SEMA3A: variants seen among roughly 807,000 people sequenced by gnomAD.
SEMA3A encodes the protein semaphorin-3A.
Under a neutral mutation model 97.9 loss-of-function variants are expected in SEMA3A, and 29 were observed. The ratio of observed to expected loss-of-function variants is 0.30; its 90% CI spans 0.22 to 0.40. The LOEUF (loss-of-function observed/expected upper bound fraction) is 0.40. Ranked by LOEUF, SEMA3A falls within the 10% of genes least tolerant of loss-of-function variation. The pLI is 1.00. For synonymous variants in SEMA3A, 321 were observed against 323.7 expected (o/e 0.99, Z 0.09); for missense variants, 763 against 951.3 (o/e 0.80, Z 2.60).
intron 5 of SEMA3A, among the ~76,000 whole-genome samples, chr7:84,056,486 A>G (rs1792980508): frequency 6.6e-6 from 1 of 152,162 alleles, no homozygotes; most frequent in Admixed American, 6.5e-5. Flanking sequence ...GATGTGAGCA[A>G]AATATCAAAC....
chr7:84,173,642 A>G (rs903108989), intron 1 of SEMA3A, among the ~76,000 whole-genome samples: 4 of 151,988 alleles, frequency 2.6e-5, no homozygotes, highest in African/African-American at 7.3e-5. Context: ...AACTGAATAC[A>G]TTTCTACATA....
At chr7:84,064,880 G>C (rs1315331989) in intron 4 of SEMA3A, among the ~76,000 whole-genome samples, 2 of 151,976 alleles carry the variant, frequency 1.3e-5, no homozygotes, top group Non-Finnish European at 2.9e-5. Context: ...AAGTCAACAA[G>C]GATACCCAGG....
At chr7:84,296,234 T>C (rs1479610475) in intron 3 of SEMA3A, among the ~76,000 whole-genome samples, 2 of 152,198 alleles carry the variant, frequency 1.3e-5, no homozygotes, top group Non-Finnish European at 2.9e-5. Flanking sequence ...TGAAGGTTTG[T>C]ATAGCGTTAG....
At chr7:84,222,795 C>A (rs1798908354) in intron 3 of SEMA3A, among the ~76,000 whole-genome samples, 1 of 151,758 alleles carries the variant, frequency 6.6e-6, no homozygotes, top group Non-Finnish European at 1.5e-5. Flanking sequence ...ATAATGTTGC[C>A]AAGCTGTTCA....
intron 4 of SEMA3A, among the ~76,000 whole-genome samples, chr7:84,098,011 G>C (rs913703308): frequency 6.6e-6 from 1 of 151,988 alleles, no homozygotes; most frequent in Admixed American, 6.6e-5. Context: ...CTTACAGCTA[G>C]GGATAGCTTG....
intron 3 of SEMA3A, among the ~76,000 whole-genome samples, chr7:84,243,122 GTC>G (rs1298043940): frequency 6.6e-6 from 1 of 152,056 alleles, no homozygotes; most frequent in African/African-American, 2.4e-5. Flanking sequence ...TTTTTGTTGT[GTC>G]TCTGCCAGGT....
intron 1 of SEMA3A, among the ~76,000 whole-genome samples, chr7:84,400,087 G>C (rs1022279340): frequency 6.6e-6 from 1 of 152,164 alleles, no homozygotes; most frequent in Non-Finnish European, 1.5e-5. Flanking sequence ...GCCATGTAGT[G>C]TGAAAATGGC....
intron 4 of SEMA3A, among the ~76,000 whole-genome samples, chr7:84,106,002 G>A (rs1302530213): frequency 2.0e-5 from 3 of 152,138 alleles, no homozygotes; most frequent in Admixed American, 6.6e-5. Context: ...TTACAGAACT[G>A]GAGTTAATTA....
intron 3 of SEMA3A, among the ~76,000 whole-genome samples, chr7:84,224,384 AG>A (rs1798943460): frequency 6.6e-6 from 1 of 152,070 alleles, no homozygotes; most frequent in African/African-American, 2.4e-5. Flanking sequence ...TGTGACAGAA[AG>A]GAATTTTAGA....
intron 15 of SEMA3A, among the ~76,000 whole-genome samples, chr7:83,966,498 T>C (rs1033399590): frequency 3.9e-5 from 6 of 152,176 alleles, no homozygotes; most frequent in Non-Finnish European, 7.3e-5. Context: ...AGTCTCATTA[T>C]TTCCCAAGTT....
At chr7:84,065,573 A>G (rs200788120) in intron 4 of SEMA3A, among the ~76,000 whole-genome samples, 1 of 148,814 alleles carries the variant, frequency 6.7e-6, no homozygotes, top group African/African-American at 2.5e-5. Flanking sequence ...CGCAATAAGA[A>G]ATGATAAAGG....
intron 2 of SEMA3A, among the ~76,000 whole-genome samples, chr7:84,345,436 A>G (rs183900064): frequency 1.5e-3 from 228 of 152,294 alleles, no homozygotes; most frequent in Non-Finnish European, 2.5e-3. Flanking sequence ...TCATTCACAA[A>G]AAATTTCTCT....
At chr7:84,000,420 T>C (rs1790394703) in intron 12 of SEMA3A, among the ~76,000 whole-genome samples, 1 of 152,130 alleles carries the variant, frequency 6.6e-6, no homozygotes. Context: ...CTTGAAGACT[T>C]AAACCAAGGA....
intron 1 of SEMA3A, among the ~76,000 whole-genome samples, chr7:84,392,261 A>T (rs1803600374): frequency 1.3e-5 from 2 of 152,210 alleles, no homozygotes; most frequent in Admixed American, 6.5e-5. Flanking sequence ...CCACCCCACC[A>T]ATCTCTCCTT....
At chr7:84,002,070 AC>A (rs767358566) in intron 11 of SEMA3A, 24 bp from the exon 12 acceptor site, 5 of 1,365,476 alleles carry the variant, frequency 3.7e-6, no homozygotes, top group Middle Eastern at 1.8e-4. Context: ...TGGGGAGAAG[AC>A]CACAAGTTAA....
chr7:84,146,124 T>C (rs1383558981), intron 1 of SEMA3A, among the ~76,000 whole-genome samples: 1 of 152,186 alleles, frequency 6.6e-6, no homozygotes, highest in African/African-American at 2.4e-5. Flanking sequence ...GTGCTTTCAT[T>C]ATAACACACA....
intron 1 of SEMA3A, among the ~76,000 whole-genome samples, chr7:84,191,198 C>A (rs1308521677): frequency 2.0e-5 from 3 of 148,990 alleles, no homozygotes; most frequent in Admixed American, 6.7e-5. Flanking sequence ...TAATTGATAA[C>A]CTCATTCTTA....
chr7:84,134,740 T>A (rs565747675), intron 2 of SEMA3A, 54 bp downstream of exon 2: 23 of 1,314,302 alleles, frequency 1.7e-5, no homozygotes, highest in Non-Finnish European at 2.3e-5. Context: ...GAGAATTATC[T>A]ATAACTTGAG....
chr7:84,440,186 G>C (rs1358559082), intron 1 of SEMA3A, among the ~76,000 whole-genome samples: 1 of 152,190 alleles, frequency 6.6e-6, no homozygotes, highest in Admixed American at 6.5e-5. Context: ...TCTGTCAGAT[G>C]TAACTATTTT....
Sources: gnomAD v4.1 joint callset for allele counts (sites outside exome capture counted in the v4.1 genomes callset) on GRCh38, gnomAD v4.1.1 for gene constraint, MANE v1.5 for transcripts, NCBI Gene and HGNC (gene_info 2026-07-23, HGNC 2026-07-21) for gene names.